GRIN3A: variants seen among roughly 807,000 people sequenced by gnomAD.
GRIN3A encodes the protein glutamate ionotropic receptor NMDA type subunit 3A.
In GRIN3A, 47 loss-of-function variants were observed where a neutral mutation model predicts 92.4. The observed-to-expected ratio is 0.51, with a 90% confidence interval of 0.40 to 0.65. The LOEUF (loss-of-function observed/expected upper bound fraction) is 0.65, where lower values mean the gene tolerates loss of function less well. Among genes scored for constraint, GRIN3A ranks in the 30% least tolerant of loss-of-function variants. The pLI is 0.00. For synonymous variants in GRIN3A, 527 were observed against 540.6 expected (o/e 0.97, Z 0.35); for missense variants, 1,324 against 1,393.1 (o/e 0.95, Z 0.79).
Position 101,572,565 on chromosome 9 carries a change from T to TC in GRIN3A, c.*608dup, listed in dbSNP as rs1327482648. ...CTCTTACTAAACAGTCAGGATGGAG[T>TC]CAGAGATCCAGAACCTTCTCAAAAA... On this transcript the variant is annotated 3_prime_UTR_variant, in exon 9 of 9. Transcript: ENST00000361820. 6.4e-6 allele frequency: 1 copy of TC among 156,590 alleles called. No individual in the cohort carries two copies. Among genetic ancestry groups the TC allele is most frequent in the African/African-American group, 2.4e-5 (1 of 41,414 alleles). 9.7% of individuals were successfully genotyped at this position (156,590 alleles called of 1,614,324 possible).
chr9:101,682,854 C>T (rs1200439451), intron 2 of GRIN3A, among the ~76,000 whole-genome samples: 3 of 152,222 alleles, frequency 2.0e-5, no homozygotes, highest in South Asian at 2.1e-4. Context: ...TGGTGGCGGG[C>T]GCCTGTAGTC....
intron 6 of GRIN3A, among the ~76,000 whole-genome samples, chr9:101,607,681 T>C (rs1310971347): frequency 6.6e-6 from 1 of 152,192 alleles, no homozygotes; most frequent in East Asian, 1.9e-4. Context: ...AAGTTGGTGG[T>C]TGAAGTAGGC....
intron 3 of GRIN3A, among the ~76,000 whole-genome samples, chr9:101,668,133 G>A (rs1829266918): frequency 6.6e-6 from 1 of 152,060 alleles, no homozygotes; most frequent in African/African-American, 2.4e-5. Context: ...TAGAGTCAGA[G>A]ATGAAATGAT....
At chr9:101,587,500 G>A (rs1005099288) in intron 6 of GRIN3A, among the ~76,000 whole-genome samples, 2 of 152,114 alleles carry the variant, frequency 1.3e-5, no homozygotes, top group African/African-American at 2.4e-5. Context: ...GACAGGGTAA[G>A]GCTGTGTTGC....
intron 3 of GRIN3A, among the ~76,000 whole-genome samples, chr9:101,665,395 G>A (rs1158934176): frequency 1.3e-5 from 2 of 151,750 alleles, no homozygotes; most frequent in Non-Finnish European, 2.9e-5. Flanking sequence ...GCATTAATGG[G>A]GAAGCACAGC....
rs377410468 is a variant in GRIN3A at position 101,737,275 on chromosome 9, T to A, written c.699+6A>T. 8 of 1,613,456 alleles carry A rather than the reference T, an allele frequency of 5.0e-6. No homozygotes were observed. The highest frequency in any genetic ancestry group is 3.4e-6 in the Non-Finnish European group (4 of 1,179,482). On this transcript the variant is annotated splice_donor_region_variant and intron_variant, in intron 1 of 8. Coordinates refer to ENST00000361820, the MANE Select transcript of GRIN3A (RefSeq NM_133445.3). ...ATCTCCACTCCACGCACCAGGCTCC[T>A]CTCACCTGACTCTCCCGTGGAAACT...
chr9:101,695,549 G>A (rs145882151), intron 1 of GRIN3A, among the ~76,000 whole-genome samples: 6 of 152,106 alleles, frequency 3.9e-5, no homozygotes, highest in East Asian at 1.9e-4. Context: ...GACCAAGTCC[G>A]CAGGTGGAGG....
At chr9:101,662,000 T>G (rs561379701) in intron 3 of GRIN3A, among the ~76,000 whole-genome samples, 4 of 152,004 alleles carry the variant, frequency 2.6e-5, no homozygotes, top group Non-Finnish European at 4.4e-5. Context: ...ATTTCCTGAA[T>G]TACTGTTACT....
In GRIN3A at chr9:101,670,608, C is replaced by G. The variant is rs1564140611; in HGVS notation, c.1804G>C (p.Asp602His). 1 of 1,614,056 alleles carries G rather than the reference C, an allele frequency of 6.2e-7. No homozygotes were observed. Among genetic ancestry groups the G allele is most frequent in the Non-Finnish European group, 8.5e-7 (1 of 1,179,976 alleles). The change falls in exon 3 of 9, where the codon GAT becomes CAT. Residue 602 changes from aspartate (D) to histidine (H), a missense_variant. By Grantham distance (81) the Asp-to-His change is moderately conservative. Transcript: ENST00000361820. ...TTTTTCCATGCTCCATACTTTCCATCCCCTACAATATAGAGGTCGAAGTCA... is the reference window on the plus strand; with the variant it reads ...TTTTTCCATGCTCCATACTTTCCATGCCCTACAATATAGAGGTCGAAGTCA... Reference protein sequence around the residue: ...NFDFDLYIVGDGKYGAWKNGH... With the variant: ...NFDFDLYIVGHGKYGAWKNGH...
intron 3 of GRIN3A, among the ~76,000 whole-genome samples, chr9:101,645,008 A>G: frequency 6.6e-6 from 1 of 151,918 alleles, no homozygotes; most frequent in Non-Finnish European, 1.5e-5. Flanking sequence ...TGTGTTATGA[A>G]CATTCCTAAT....
chr9:101,595,859 T>G (rs1158904057), intron 6 of GRIN3A, among the ~76,000 whole-genome samples: 2 of 152,220 alleles, frequency 1.3e-5, no homozygotes, highest in African/African-American at 2.4e-5. Context: ...GTCTGCAATG[T>G]GCCCAAAGAA....
At chr9:101,731,345 T>A (rs1202992807) in intron 1 of GRIN3A, among the ~76,000 whole-genome samples, 2 of 152,194 alleles carry the variant, frequency 1.3e-5, no homozygotes, top group Non-Finnish European at 2.9e-5. Context: ...CCATATTTTG[T>A]CTATACATAG....
At chr9:101,576,289 G>A (rs567877634) in intron 8 of GRIN3A, among the ~76,000 whole-genome samples, 2 of 152,108 alleles carry the variant, frequency 1.3e-5, no homozygotes, top group African/African-American at 2.4e-5. Flanking sequence ...GAGACATGAC[G>A]GCTATGGTAC....
Position 101,573,485 on chromosome 9 carries a change from C to G in GRIN3A, c.3037G>C (p.Val1013Leu), listed in dbSNP as rs80306210. The G allele has an allele frequency of 1.2e-6, 2 of 1,613,932 alleles. No individual in the cohort carries two copies. The highest frequency in any genetic ancestry group is 3.3e-5 in the Admixed American group (2 of 60,010). ...TGACTCAGATTGGAAGTATTCCATA[C>G]GGTAAGCTGACGGGGTCCCACATTA... ...RSNVGPRQLT[V>L]WNTSNLSHDN... The change falls in exon 9 of 9, where the codon GTA (valine) becomes CTA (leucine). Residue 1013 changes from valine to leucine, a missense_variant. Physicochemically the swap from Val to Leu is conservative, Grantham distance 32. Transcript: ENST00000361820.
At chr9:101,718,063 C>T (rs1177280670) in intron 1 of GRIN3A, among the ~76,000 whole-genome samples, 2 of 152,126 alleles carry the variant, frequency 1.3e-5, no homozygotes, top group African/African-American at 4.8e-5. Flanking sequence ...CATACCTTGA[C>T]ATATGGTGGG....
At chr9:101,657,506 T>G (rs1020113191) in intron 3 of GRIN3A, among the ~76,000 whole-genome samples, 9 of 152,016 alleles carry the variant, frequency 5.9e-5, no homozygotes, top group African/African-American at 2.2e-4. Context: ...TGAGCAAAAT[T>G]TATGTGAGTT....
At chr9:101,714,154 T>A (rs1564150866) in intron 1 of GRIN3A, among the ~76,000 whole-genome samples, 1 of 152,124 alleles carries the variant, frequency 6.6e-6, no homozygotes, top group Non-Finnish European at 1.5e-5. Flanking sequence ...ATGAAAACGA[T>A]TTACTTTAGA....
intron 6 of GRIN3A, among the ~76,000 whole-genome samples, chr9:101,588,665 TC>T (rs1159396291): frequency 6.6e-6 from 1 of 152,178 alleles, no homozygotes; most frequent in East Asian, 1.9e-4. Context: ...CTTTCAATGC[TC>T]CATTTTCTCT....
At chr9:101,625,996 T>C (rs1310927815) in intron 4 of GRIN3A, among the ~76,000 whole-genome samples, 2 of 152,176 alleles carry the variant, frequency 1.3e-5, no homozygotes, top group Non-Finnish European at 2.9e-5. Context: ...AAAGTGCAGA[T>C]AGCTATGATA....
Sources: gnomAD v4.1 joint callset for allele counts (sites outside exome capture counted in the v4.1 genomes callset) on GRCh38, gnomAD v4.1.1 for gene constraint, MANE v1.5 for transcripts, NCBI Gene and HGNC (gene_info 2026-07-23, HGNC 2026-07-21) for gene names.